The following XPO4 variants were observed in gnomAD, a reference collection of about 807,000 sequenced individuals.
XPO4 encodes exportin-4.
Under a neutral mutation model 143.0 loss-of-function variants are expected in XPO4, and 39 were observed. The observed-to-expected ratio is 0.27, with a 90% CI of 0.21 to 0.36. The LOEUF (loss-of-function observed/expected upper bound fraction) is 0.36, where lower values mean the gene tolerates loss of function less well. XPO4 is among the 10% of genes least tolerant of loss of function. The pLI is 1.00. For missense variants in XPO4, 907 were observed against 1,348.0 expected, an observed-to-expected ratio of 0.67 and a Z score of 5.12; for synonymous variants, 439 against 474.0, an observed-to-expected ratio of 0.93 and a Z score of 0.96.
chr13:20,859,585 C>G (rs1418855061), intron 3 of XPO4, among the ~76,000 whole-genome samples: 2 of 151,238 alleles, frequency 1.3e-5, no homozygotes, highest in Non-Finnish European at 3.0e-5. Flanking sequence ...GGATGACAGA[C>G]CGAGACTCCG....
intron 9 of XPO4, among the ~76,000 whole-genome samples, chr13:20,820,550 T>C (rs865825724): frequency 6.6e-6 from 1 of 152,260 alleles, no homozygotes; most frequent in African/African-American, 2.4e-5. Context: ...TGAAAGAGGT[T>C]TGAGTAAACT....
chr13:20,849,671 A>G, intron 4 of XPO4: 1 of 984,794 alleles, frequency 1.0e-6, no homozygotes. Flanking sequence ...ACAGGCATAA[A>G]TTAACTAAGA....
intron 6 of XPO4, among the ~76,000 whole-genome samples, chr13:20,839,984 A>AAAAT (rs922492481): frequency 1.3e-5 from 2 of 152,080 alleles, no homozygotes; most frequent in Non-Finnish European, 2.9e-5. Flanking sequence ...TTCTTTCTCA[A>AAAAT]AAATAAATAA....
intron 1 of XPO4, among the ~76,000 whole-genome samples, chr13:20,895,668 T>C (rs1332499651): frequency 2.0e-5 from 3 of 152,118 alleles, no homozygotes; most frequent in Non-Finnish European, 4.4e-5. Flanking sequence ...AGCCTTCCAT[T>C]TCCGTTTCTA....
intron 13 of XPO4, among the ~76,000 whole-genome samples, chr13:20,807,013 C>T (rs886388491): frequency 6.6e-6 from 1 of 152,018 alleles, no homozygotes; most frequent in African/African-American, 2.4e-5. Context: ...TACATATTTC[C>T]ATTTTACGAG....
intron 3 of XPO4, among the ~76,000 whole-genome samples, chr13:20,861,777 CTTTTTTTT>C (rs71200306): frequency 9.5e-5 from 7 of 73,394 alleles, no homozygotes; most frequent in African/African-American, 2.9e-4. Context: ...ACATTTCTCT[CTTTTTTTT>C]TTTTTTTTTT....
At chr13:20,798,532 T>C (rs2137835036) in intron 16 of XPO4, among the ~76,000 whole-genome samples, 1 of 152,280 alleles carries the variant, frequency 6.6e-6, no homozygotes, top group South Asian at 2.1e-4. Context: ...AGGAGAATAT[T>C]TCCCTGATCC....
At position 20,888,154 on chromosome 13, in the gene XPO4, G is replaced by A. The variant is rs562555097; in HGVS notation, c.69+14516C>T. 1.3e-4 allele frequency among the ~76,000 whole-genome samples: 14 copies of A among 105,478 alleles called. No homozygotes were observed. The South Asian group carries it at 4.0e-3, about 30-fold the overall frequency. 69.2% of individuals were successfully genotyped at this position (105,478 alleles called of 152,430 possible). A position where few individuals can be genotyped will look rare whatever the true frequency, so the allele number is the denominator to read the frequency against. ...TGTGCCATTGCATGCCAGCCTGGGC[G>A]ACAAGAGCAAAACTCCATCTCAAAA... On this transcript the variant is annotated intron_variant, in intron 1 of 22. Transcript: ENST00000255305.
intron 1 of XPO4, among the ~76,000 whole-genome samples, chr13:20,890,328 T>C (rs1444463584): frequency 2.0e-5 from 3 of 151,452 alleles, no homozygotes; most frequent in Non-Finnish European, 4.4e-5. Context: ...CCCATGCTTA[T>C]AGTCCCAGCT....
intron 18 of XPO4, 34 bp downstream of exon 18, chr13:20,796,042 A>C: frequency 6.4e-7 from 1 of 1,567,322 alleles, no homozygotes; most frequent in East Asian, 2.3e-5. Context: ...GGAGGATAAC[A>C]ACAAAGTTTA....
intron 7 of XPO4, among the ~76,000 whole-genome samples, chr13:20,823,330 C>T (rs2059743304): frequency 1.3e-5 from 2 of 152,180 alleles, no homozygotes; most frequent in African/African-American, 4.8e-5. Flanking sequence ...GTATGCTGGG[C>T]CACAATGAAC....
At chr13:20,893,814 C>T (rs368530841) in intron 1 of XPO4, among the ~76,000 whole-genome samples, 5 of 151,670 alleles carry the variant, frequency 3.3e-5, no homozygotes, top group African/African-American at 4.8e-5. Context: ...TTAGAACCTC[C>T]GTAGGTAAGG....
chr13:20,894,284 T>C (rs1338488292), intron 1 of XPO4, among the ~76,000 whole-genome samples: 4 of 152,206 alleles, frequency 2.6e-5, no homozygotes, highest in Admixed American at 1.3e-4. Flanking sequence ...AATCCCTATC[T>C]CTTTTTCAGA....
In XPO4 at chr13:20,855,380, G is replaced by A. The variant is rs150678950; in HGVS notation, c.456+247C>T. ...TGAGGCAAGAGAATTGCTTGAACCC[G>A]GAAGGCAGAGGTTGCGGTGAGCCAA... On this transcript the variant is annotated intron_variant, in intron 4 of 22. Coordinates refer to ENST00000255305, the MANE Select transcript of XPO4 (RefSeq NM_022459.5). Among the ~76,000 whole-genome samples, 471 of 151,596 alleles carry A rather than the reference G, an allele frequency of 3.1e-3. 1 individual carries two copies. The highest frequency in any genetic ancestry group is 0.011 in the African/African-American group (436 of 41,314).
intron 6 of XPO4, among the ~76,000 whole-genome samples, chr13:20,828,489 G>A (rs919952457): frequency 6.6e-6 from 1 of 152,062 alleles, no homozygotes; most frequent in Non-Finnish European, 1.5e-5. Context: ...TAATGCTCTG[G>A]AAACTTTTTT....
At chr13:20,788,404 A>C in intron 20 of XPO4, 82 bp downstream of exon 20, 1 of 1,534,864 alleles carries the variant, frequency 6.5e-7, no homozygotes, top group Middle Eastern at 2.0e-4. Context: ...AAAATGAAAA[A>C]TGTAAACTTA....
At chr13:20,800,422 G>C in intron 14 of XPO4, 97 bp from the exon 15 acceptor site, 1 of 1,166,730 alleles carries the variant, frequency 8.6e-7, no homozygotes, top group Non-Finnish European at 1.2e-6. Flanking sequence ...TATCTAATCT[G>C]AAGTAGTGCT....
At chr13:20,841,360 TAAAA>T (rs927461565) in intron 6 of XPO4, among the ~76,000 whole-genome samples, 9 of 135,468 alleles carry the variant, frequency 6.6e-5, no homozygotes, top group African/African-American at 2.5e-4. Context: ...CAACTTTATT[TAAAA>T]AAACAAACAA....
chr13:20,800,757 C>A, intron 14 of XPO4, 74 bp downstream of exon 14: 1 of 1,546,848 alleles, frequency 6.5e-7, no homozygotes, highest in Non-Finnish European at 8.7e-7. Flanking sequence ...GAAAAACCAC[C>A]AAGAAAAATG....
Sources: allele counts gnomAD v4.1 joint callset (sites outside exome capture counted in the v4.1 genomes callset), GRCh38; gene constraint gnomAD v4.1.1; transcripts MANE v1.5; gene names NCBI Gene and HGNC (gene_info 2026-07-23, HGNC 2026-07-21).